GREB1L: variants seen among roughly 807,000 people sequenced by gnomAD.
The protein encoded by GREB1L is GREB1-like protein.
In GREB1L, 17 loss-of-function variants were observed where a neutral mutation model predicts 200.8. The ratio of observed to expected loss-of-function variants is 0.08; its 90% CI spans 0.06 to 0.13. GREB1L has a LOEUF of 0.13. Ranked by LOEUF, GREB1L falls within the 10% of genes least tolerant of loss-of-function variation. The pLI is 1.00. For synonymous variants in GREB1L, 789 were observed against 893.0 expected (o/e 0.88, Z 2.08); for missense variants, 1,657 against 2,367.7 (o/e 0.70, Z 6.23).
chr18:21,243,987 AATTAC>A (rs1182538857), intron 1 of GREB1L, among the ~76,000 whole-genome samples: 1 of 152,194 alleles, frequency 6.6e-6, no homozygotes, highest in African/African-American at 2.4e-5. Flanking sequence ...ATTAAAATGG[AATTAC>A]ATTATAGATG....
intron 15 of GREB1L, among the ~76,000 whole-genome samples, chr18:21,456,670 A>T (rs2034778840): frequency 6.6e-6 from 1 of 152,086 alleles, no homozygotes; most frequent in Non-Finnish European, 1.5e-5. Flanking sequence ...TCAGTTTTGG[A>T]ATGACAGGTT....
At position 21,395,395 on chromosome 18, in the gene GREB1L, A is replaced by G. The variant is rs1598751473; in HGVS notation, c.366A>G (p.Gln122=). ...TAAACTGGTTTTTAGGTTTTTGTCA[A>G]GCAGGAAAGGATTTGCGTTTGGTAT... ...EGSCTTDGFC[Q]AGKDLRLVSL... is the part of the protein sequence containing the mutation. The change falls in exon 5 of 33, where the codon CAA becomes CAG. Residue 122 remains glutamine (Q), a synonymous_variant. Transcript: ENST00000424526. 1.9e-6 allele frequency: 3 copies of G among 1,550,210 alleles called. No homozygotes were observed. The highest frequency in any genetic ancestry group is 1.4e-5 in the African/African-American group (1 of 73,068).
At chr18:21,336,954 T>C (rs914827653) in intron 1 of GREB1L, among the ~76,000 whole-genome samples, 1 of 151,668 alleles carries the variant, frequency 6.6e-6, no homozygotes, top group African/African-American at 2.4e-5. Flanking sequence ...CTTCAGTAAT[T>C]AGTATTCAAT....
intron 1 of GREB1L, among the ~76,000 whole-genome samples, chr18:21,348,591 A>G (rs958398748): frequency 6.6e-6 from 1 of 152,038 alleles, no homozygotes; most frequent in African/African-American, 2.4e-5. Flanking sequence ...CCTGGCCAAC[A>G]TGGTGAAACC....
intron 30 of GREB1L, among the ~76,000 whole-genome samples, chr18:21,517,743 A>G (rs2037469270): frequency 6.6e-6 from 1 of 152,110 alleles, no homozygotes; most frequent in Non-Finnish European, 1.5e-5. Context: ...ACCCACACAC[A>G]CTGTAAAAGG....
At chr18:21,416,449 A>G (rs910740197) in intron 7 of GREB1L, among the ~76,000 whole-genome samples, 1 of 152,090 alleles carries the variant, frequency 6.6e-6, no homozygotes, top group Non-Finnish European at 1.5e-5. Flanking sequence ...CAAGCATAAG[A>G]AACATAAAAC....
intron 17 of GREB1L, among the ~76,000 whole-genome samples, chr18:21,481,336 AAAG>A (rs1313308064): frequency 6.6e-6 from 1 of 152,018 alleles, no homozygotes; most frequent in East Asian, 1.9e-4. Context: ...ATAGGATGCA[AAAG>A]AAGACTGGAA....
chr18:21,442,355 C>A (rs2033945499), intron 10 of GREB1L, among the ~76,000 whole-genome samples: 1 of 152,152 alleles, frequency 6.6e-6, no homozygotes, highest in African/African-American at 2.4e-5. Context: ...TTGGCCTGAG[C>A]CTGCCTAATT....
intron 17 of GREB1L, among the ~76,000 whole-genome samples, chr18:21,481,082 T>C (rs2035896096): frequency 6.6e-6 from 1 of 152,096 alleles, no homozygotes; most frequent in Non-Finnish European, 1.5e-5. Flanking sequence ...GTCACTATTA[T>C]CCAGAGGAGA....
rs77738011 is a variant in GREB1L, at chr18:21,499,286, G to A, written c.3392-443G>A. On this transcript the variant is annotated intron_variant, in intron 21 of 32. Coordinates refer to ENST00000424526, the MANE Select transcript of GREB1L (RefSeq NM_001142966.3). ...ACCCAAACCAGGTCATTTGAGGAGCGTTTAGTAGAGGGACTATTTACTAAG... is the reference window on the plus strand; with the variant it reads ...ACCCAAACCAGGTCATTTGAGGAGCATTTAGTAGAGGGACTATTTACTAAG... Among the ~76,000 whole-genome samples the A allele has an allele frequency of 3.6e-3, 546 of 152,304 alleles. 2 individuals carry two copies. The highest frequency in any genetic ancestry group is 7.9e-3 in the South Asian group (38 of 4,822).
At chr18:21,467,626 C>G (rs549163376) in intron 15 of GREB1L, among the ~76,000 whole-genome samples, 25 of 152,276 alleles carry the variant, frequency 1.6e-4, no homozygotes, top group African/African-American at 5.8e-4. Flanking sequence ...ACCTCGTACA[C>G]TGCTGTTAGG....
chr18:21,423,805 C>A (rs1225398434), intron 7 of GREB1L, among the ~76,000 whole-genome samples: 1 of 152,112 alleles, frequency 6.6e-6, no homozygotes, highest in Non-Finnish European at 1.5e-5. Flanking sequence ...CTGCAGTGAG[C>A]CATGATCATA....
chr18:21,422,404 A>G (rs1369847807), intron 7 of GREB1L, among the ~76,000 whole-genome samples: 1 of 152,138 alleles, frequency 6.6e-6, no homozygotes, highest in Non-Finnish European at 1.5e-5. Context: ...TTTCTCTTTC[A>G]TCTCACCTTA....
At chr18:21,446,038 G>T (rs2034197574) in intron 11 of GREB1L, among the ~76,000 whole-genome samples, 1 of 151,736 alleles carries the variant, frequency 6.6e-6, no homozygotes, top group East Asian at 1.9e-4. Context: ...TTGTTTGTTT[G>T]TTTTGAGACC....
intron 15 of GREB1L, among the ~76,000 whole-genome samples, chr18:21,461,142 G>T (rs1451071256): frequency 6.6e-6 from 1 of 151,578 alleles, no homozygotes; most frequent in Non-Finnish European, 1.5e-5. Context: ...CTTCCTGCCT[G>T]GGAATCTAGA....
chr18:21,502,856 A>G (rs1347065027), intron 23 of GREB1L, among the ~76,000 whole-genome samples: 4 of 152,164 alleles, frequency 2.6e-5, no homozygotes, highest in African/African-American at 4.8e-5. Context: ...TCCTCAGATC[A>G]TGCTACAGTG....
chr18:21,477,424 AC>A, intron 17 of GREB1L, 68 bp downstream of exon 17: 1 of 1,180,640 alleles, frequency 8.5e-7, no homozygotes, highest in Non-Finnish European at 1.2e-6. Context: ...GGACCTTGTA[AC>A]AAAATGTGTC....
intron 2 of GREB1L, among the ~76,000 whole-genome samples, chr18:21,377,148 C>T (rs2040107800): frequency 6.6e-6 from 1 of 152,086 alleles, no homozygotes; most frequent in Admixed American, 6.6e-5. Flanking sequence ...TGCAGCCTTT[C>T]TGCTCTATCC....
intron 7 of GREB1L, among the ~76,000 whole-genome samples, chr18:21,405,446 G>A (rs996938264): frequency 6.6e-6 from 1 of 152,144 alleles, no homozygotes; most frequent in African/African-American, 2.4e-5. Flanking sequence ...TTCGTTTTAA[G>A]AACCTTATCA....
Sources: allele counts gnomAD v4.1 joint callset (sites outside exome capture counted in the v4.1 genomes callset), GRCh38; gene constraint gnomAD v4.1.1; transcripts MANE v1.5; gene names NCBI Gene and HGNC (gene_info 2026-07-23, HGNC 2026-07-21).